PABPC4L: variants seen among roughly 807,000 people sequenced by gnomAD.
PABPC4L encodes the protein poly(A) binding protein cytoplasmic 4 like, also known as polyadenylate-binding protein 4-like.
For synonymous variants in PABPC4L, 169 were observed against 164.1 expected (o/e 1.03, Z -0.23); for missense variants, 452 against 451.4 (o/e 1.00, Z -0.01).
At chr4:134,022,308 C>T in the PABPC4L span, among the ~76,000 whole-genome samples, 1 of 152,070 alleles carries the variant, frequency 6.6e-6, no homozygotes, top group Non-Finnish European at 1.5e-5. Context: ...GCATATTTCC[C>T]TAAATTAGCC....
the PABPC4L span, among the ~76,000 whole-genome samples, chr4:134,177,132 T>A: frequency 6.6e-6 from 1 of 151,544 alleles, no homozygotes; most frequent in Non-Finnish European, 1.5e-5. Flanking sequence ...GATAACTACA[T>A]GGACAACCCC....
At chr4:134,050,880 A>ATTTTTTTTTT in the PABPC4L span, among the ~76,000 whole-genome samples, 1 of 134,732 alleles carries the variant, frequency 7.4e-6, no homozygotes, top group Non-Finnish European at 1.6e-5. Flanking sequence ...ATTGACCTTT[A>ATTTTTTTTTT]TTTTTTTTTT....
chr4:134,200,107 C>A lies in PABPC4L; in HGVS notation c.913G>T (p.Asp305Tyr). 6.4e-7 allele frequency: 1 copy of A among 1,551,632 alleles called. No individual in the cohort carries two copies. The stretch of plus-strand genomic sequence containing the variant: ...AATTCGTTTCGTAGTTTTTCATCAT[C>A]GATGGTGTCATCAAGGTTCTTAATA... ...LYIKNLDDTI[D>Y]DEKLRNEFSS... Residue 305 changes from aspartate (D) to tyrosine (Y), a missense_variant, in exon 2 of 2, where the codon GAT becomes TAT. Coordinates refer to ENST00000421491, the MANE Select transcript of PABPC4L (RefSeq NM_001114734.2).
the PABPC4L span, among the ~76,000 whole-genome samples, chr4:134,029,213 T>A: frequency 6.6e-6 from 1 of 152,122 alleles, no homozygotes; most frequent in Middle Eastern, 3.2e-3. Flanking sequence ...TGCTACCATG[T>A]TCCAGCAGGA....
At chr4:134,043,058 G>A in the PABPC4L span, among the ~76,000 whole-genome samples, 2 of 151,976 alleles carry the variant, frequency 1.3e-5, no homozygotes, top group African/African-American at 2.4e-5. Flanking sequence ...TCTGTAAAAT[G>A]TTCAAATTTC....
At chr4:134,096,665 T>G in the PABPC4L span, among the ~76,000 whole-genome samples, 2 of 151,922 alleles carry the variant, frequency 1.3e-5, no homozygotes, top group African/African-American at 4.8e-5. Flanking sequence ...TCCCATGAAA[T>G]ATTAGTGTGC....
At chr4:134,115,153 C>T in the PABPC4L span, among the ~76,000 whole-genome samples, 1 of 151,886 alleles carries the variant, frequency 6.6e-6, no homozygotes, top group Non-Finnish European at 1.5e-5. Context: ...AAAGAGATAA[C>T]ACAGACTATG....
chr4:134,012,018 G>T, the PABPC4L span, among the ~76,000 whole-genome samples: 3 of 151,840 alleles, frequency 2.0e-5, no homozygotes, highest in African/African-American at 7.3e-5. Flanking sequence ...ATACTGTATT[G>T]AAATCTCTAT....
At chr4:134,172,961 G>A in the PABPC4L span, among the ~76,000 whole-genome samples, 1 of 151,686 alleles carries the variant, frequency 6.6e-6, no homozygotes, top group African/African-American at 2.4e-5. Flanking sequence ...ATGAAAAAAT[G>A]TTCAACATCA....
the PABPC4L span, among the ~76,000 whole-genome samples, chr4:134,125,416 C>G: frequency 6.6e-6 from 1 of 151,970 alleles, no homozygotes; most frequent in Non-Finnish European, 1.5e-5. Flanking sequence ...CACCCATTAA[C>G]TCGTCATTTC....
chr4:134,124,055 C>T, the PABPC4L span, among the ~76,000 whole-genome samples: 5 of 152,028 alleles, frequency 3.3e-5, no homozygotes, highest in African/African-American at 7.2e-5. Context: ...CTGGATTGAA[C>T]GCAATCAGAA....
the PABPC4L span, among the ~76,000 whole-genome samples, chr4:133,963,903 A>G: frequency 7.7e-4 from 117 of 152,274 alleles, no homozygotes; most frequent in Non-Finnish European, 1.3e-3. Context: ...TTCTAAGGTC[A>G]CACCTCAAGG....
chr4:134,037,966 A>AAAT, the PABPC4L span, among the ~76,000 whole-genome samples: 16 of 152,252 alleles, frequency 1.1e-4, no homozygotes, highest in African/African-American at 3.9e-4. Flanking sequence ...GGTTTATCAT[A>AAAT]AATAGCTCTT....
At chr4:134,085,342 G>T in the PABPC4L span, among the ~76,000 whole-genome samples, 1 of 151,918 alleles carries the variant, frequency 6.6e-6, no homozygotes, top group Non-Finnish European at 1.5e-5. Flanking sequence ...ATATGTACAT[G>T]TACATAAAAT....
the PABPC4L span, among the ~76,000 whole-genome samples, chr4:134,014,894 C>T: frequency 1.3e-5 from 2 of 151,996 alleles, no homozygotes. Context: ...CTCTTTAATG[C>T]ACTCCTTTTT....
the PABPC4L span, among the ~76,000 whole-genome samples, chr4:134,028,649 C>T: frequency 6.6e-6 from 1 of 152,100 alleles, no homozygotes; most frequent in East Asian, 1.9e-4. Flanking sequence ...GTGCTTCCTC[C>T]CATGATAAAC....
the PABPC4L span, among the ~76,000 whole-genome samples, chr4:133,972,829 T>C: frequency 6.6e-6 from 1 of 152,158 alleles, no homozygotes; most frequent in Non-Finnish European, 1.5e-5. Flanking sequence ...CCTAGCATCA[T>C]TAAGAAGATC....
chr4:134,114,012 G>C, the PABPC4L span, among the ~76,000 whole-genome samples: 1 of 151,776 alleles, frequency 6.6e-6, no homozygotes, highest in African/African-American at 2.4e-5. Context: ...AAATTCAGCG[G>C]AACACTTTGG....
the PABPC4L span, among the ~76,000 whole-genome samples, chr4:134,032,429 T>C: frequency 6.6e-6 from 1 of 151,798 alleles, no homozygotes; most frequent in East Asian, 1.9e-4. Flanking sequence ...TCTAATGGTG[T>C]GAAAAAATAC....
Sources: allele counts gnomAD v4.1 joint callset (sites outside exome capture counted in the v4.1 genomes callset), GRCh38; gene constraint gnomAD v4.1.1; transcripts MANE v1.5; gene names NCBI Gene and HGNC (gene_info 2026-07-23, HGNC 2026-07-21).